The following SH2D1B variants were observed in gnomAD, a reference collection of about 807,000 sequenced individuals.
SH2D1B encodes SH2 domain containing 1B, also known as SH2 domain-containing protein 1B.
In SH2D1B, 11 loss-of-function variants were observed where a neutral mutation model predicts 16.3. The observed-to-expected ratio is 0.67, with a 90% CI of 0.42 to 1.11. The LOEUF (loss-of-function observed/expected upper bound fraction) is 1.11, where lower values mean the gene tolerates loss of function less well. SH2D1B is among the 50% of genes most tolerant of loss of function. The pLI, the probability that SH2D1B is intolerant of heterozygous loss-of-function variation, is 0.00. For missense variants in SH2D1B, 123 were observed against 153.1 expected (o/e 0.80, Z 1.04); for synonymous variants, 55 against 56.1 (o/e 0.98, Z 0.09).
At chr1:162,403,955 T>C (rs1347480690) in intron 1 of SH2D1B, among the ~76,000 whole-genome samples, 1 of 151,744 alleles carries the variant, frequency 6.6e-6, no homozygotes, top group African/African-American at 2.4e-5. Flanking sequence ...AGGGGGAGGA[T>C]TAGGGAGATA....
At position 162,403,502 on chromosome 1, in the gene SH2D1B, AAAAAAAAAAATATATATATATAT is replaced by A. The variant is rs1431939337; in HGVS notation, c.135-723_135-701del. ...AGACTCTGTCTGAAAAAAAAAAAAA[AAAAAAAAAAATATATATATATAT>A]ATATATATATATATATATGTAATTA... On this transcript the variant is annotated intron_variant, in intron 1 of 3. Transcript: ENST00000367929. Among the ~76,000 whole-genome samples the A allele has an allele frequency of 1.2e-3, 52 of 44,300 alleles. 1 individual carries two copies. Among genetic ancestry groups the A allele is most frequent in the African/African-American group, 2.7e-3 (38 of 14,032 alleles). 29.1% of individuals were successfully genotyped at this position (44,300 alleles called of 152,430 possible).
chr1:162,403,509 A>T (rs1197016379), intron 1 of SH2D1B, among the ~76,000 whole-genome samples: 6 of 17,154 alleles, frequency 3.5e-4, no homozygotes, highest in African/African-American at 6.4e-4. Flanking sequence ...AAAAAAAAAA[A>T]AAATATATAT....
rs1288044423 is a variant in SH2D1B at position 162,402,781 on chromosome 1, T to A, written c.156A>T (p.Thr52=). Residue 52 remains threonine, a synonymous_variant, in exon 2 of 4, where the codon ACA becomes ACT. Transcript: ENST00000367929. ...CGTGTTTCTCTCTGAAGATTCGGTA[T>A]GTGTAGACAATATTTTTAAACCTGT... ...LCVSFKNIVY[T]YRIFREKHGY... The A allele has an allele frequency of 3.7e-6, 6 of 1,613,926 alleles. No individual in the cohort carries two copies. The highest frequency in any genetic ancestry group is 5.1e-6 in the Non-Finnish European group (6 of 1,179,870).
rs1194552389 is a variant in SH2D1B at position 162,397,358 on chromosome 1, C to T, written c.364-43G>A. The stretch of plus-strand genomic sequence containing the variant: ...AAGCAGAAGACCAGCCATGAGACCA[C>T]ACCCAGAAGTCATATCAAACAACCC... On this transcript the variant is annotated intron_variant, in intron 3 of 3. Coordinates refer to ENST00000367929, the MANE Select transcript of SH2D1B (RefSeq NM_053282.5). The T allele has an allele frequency of 3.1e-6, 5 of 1,609,580 alleles. No individual in the cohort carries two copies. The East Asian group carries it at 6.7e-5, about 22-fold the overall frequency.
chr1:162,403,488 G>GAAAAAAAAAAAAAAAAAAAAAAAAA (rs1172751501), intron 1 of SH2D1B, among the ~76,000 whole-genome samples: 1 of 20,694 alleles, frequency 4.8e-5, no homozygotes, highest in Non-Finnish European at 1.0e-4. Context: ...GACTCTGTCT[G>GAAAAAAAAAAAAAAAAAAAAAAAAA]AAAAAAAAAA....
intron 2 of SH2D1B, among the ~76,000 whole-genome samples, chr1:162,401,381 T>C (rs1447224528): frequency 6.6e-6 from 1 of 152,234 alleles, no homozygotes. Context: ...TGAAATTATT[T>C]CAGACATAGC....
chr1:162,398,066 T>C (rs548702590), intron 3 of SH2D1B, among the ~76,000 whole-genome samples: 19 of 152,130 alleles, frequency 1.2e-4, no homozygotes, highest in Non-Finnish European at 2.2e-4. Flanking sequence ...TTAGCCTTGC[T>C]GGGGAAATGA....
At chr1:162,402,650 C>T (rs192765673) in intron 2 of SH2D1B, 89 bp downstream of exon 2, 14 of 1,099,700 alleles carry the variant, frequency 1.3e-5, no homozygotes, top group Admixed American at 7.6e-5. Context: ...AATGCTTTCG[C>T]ACAGTCATGG....
intron 1 of SH2D1B, among the ~76,000 whole-genome samples, chr1:162,409,456 A>G (rs1571276187): frequency 6.6e-6 from 1 of 152,190 alleles, no homozygotes; most frequent in East Asian, 1.9e-4. Context: ...TTTCCAAACT[A>G]CATTTTAGGA....
In SH2D1B at chr1:162,411,961, A is replaced by G; in HGVS notation, c.56T>C (p.Leu19Pro). The part of the protein sequence containing the change: ...RLTKQDCETL[L>P]LKEGVDGNFL... The stretch of plus-strand genomic sequence containing the variant: ...GTTGCCATCCACCCCTTCCTTGAGC[A>G]GCAAGGTCTCACAGTCTTGCTTGGT... The change falls in exon 1 of 4, where the codon CTG becomes CCG. Residue 19 changes from leucine (L) to proline (P), a missense_variant. Coordinates refer to ENST00000367929, the MANE Select transcript of SH2D1B (RefSeq NM_053282.5). 1 of 1,614,166 alleles carries G rather than the reference A, an allele frequency of 6.2e-7. No individual in the cohort carries two copies. The highest frequency in any genetic ancestry group is 1.3e-5 in the African/African-American group (1 of 75,044).
At position 162,399,038 on chromosome 1, in the gene SH2D1B, A is replaced by T. The variant is rs759017302; in HGVS notation, c.248T>A (p.Ile83Asn). 33 of 1,613,966 alleles carry T rather than the reference A, an allele frequency of 2.0e-5. No individual in the cohort carries two copies. Among genetic ancestry groups the T allele is most frequent in the Non-Finnish European group, 2.7e-5 (32 of 1,180,004 alleles). The change falls in exon 3 of 4, where the codon ATC becomes AAC. Residue 83 changes from isoleucine (I) to asparagine (N), a missense_variant. By Grantham distance (149) the Ile-to-Asn change is moderately radical. Coordinates refer to ENST00000367929, the MANE Select transcript of SH2D1B (RefSeq NM_053282.5). Reference sequence around the variant, plus strand: ...CTGATTTGGTTTTTCAAATTTGGAGATCAGTTCCTTTAGGCTTGGAAAGAC... The same window carrying T: ...CTGATTTGGTTTTTCAAATTTGGAGTTCAGTTCCTTTAGGCTTGGAAAGAC... ...KQVFPSLKEL[I>N]SKFEKPNQGM... is the part of the protein sequence containing the mutation.
intron 1 of SH2D1B, among the ~76,000 whole-genome samples, chr1:162,403,512 ATATATATATATATAT>A (rs1169490544): frequency 2.2e-4 from 4 of 17,800 alleles, no homozygotes; most frequent in African/African-American, 2.8e-4. Flanking sequence ...AAAAAAAAAA[ATATATATATATATAT>A]ATATATATAT....
chr1:162,403,941 T>C (rs990762323), intron 1 of SH2D1B, among the ~76,000 whole-genome samples: 10 of 151,926 alleles, frequency 6.6e-5, no homozygotes, highest in African/African-American at 2.2e-4. Flanking sequence ...GCCTTGTCAG[T>C]GAGAGGGGGA....
intron 1 of SH2D1B, among the ~76,000 whole-genome samples, chr1:162,408,979 G>A (rs1648723177): frequency 6.6e-6 from 1 of 151,680 alleles, no homozygotes; most frequent in African/African-American, 2.4e-5. Flanking sequence ...ATGGTAGTGC[G>A]CACCTGTAGT....
At position 162,399,018 on chromosome 1, in the gene SH2D1B, T is replaced by A. The variant is rs144737266; in HGVS notation, c.268A>T (p.Asn90Tyr). The change falls in exon 3 of 4, where the codon AAT (asparagine) becomes TAT (tyrosine). Residue 90 changes from asparagine (N) to tyrosine (Y), a missense_variant. Transcript: ENST00000367929. ...KELISKFEKP[N>Y]QGMVVHLLKP... is the part of the protein sequence containing the mutation. ...AAAAGGTGAACCACCATCCCCTGAT[T>A]TGGTTTTTCAAATTTGGAGATCAGT... The A allele has an allele frequency of 1.9e-6, 3 of 1,614,162 alleles. No homozygotes were observed. Among genetic ancestry groups the A allele is most frequent in the African/African-American group, 2.7e-5 (2 of 75,052 alleles).
intron 2 of SH2D1B, among the ~76,000 whole-genome samples, chr1:162,401,477 T>C (rs149996054): frequency 1.5e-3 from 229 of 152,330 alleles, no homozygotes; most frequent in African/African-American, 5.3e-3. Flanking sequence ...CTTTTTATTC[T>C]CTTTCCAAAT....
chr1:162,406,153 A>G (rs1210151245), intron 1 of SH2D1B, among the ~76,000 whole-genome samples: 1 of 152,158 alleles, frequency 6.6e-6, no homozygotes, highest in African/African-American at 2.4e-5. Flanking sequence ...TCTTGGTGCA[A>G]CCTTTTGTGG....
chr1:162,406,124 T>C (rs927878366), intron 1 of SH2D1B, among the ~76,000 whole-genome samples: 2 of 152,230 alleles, frequency 1.3e-5, no homozygotes, highest in Admixed American at 1.3e-4. Context: ...GCCTTATCAC[T>C]GTTCCTGATC....
Position 162,398,913 on chromosome 1 carries a change from G to A in SH2D1B, c.363+10C>T. The stretch of plus-strand genomic sequence containing the variant: ...AGATTGCTTTCTGACCCCCACGTGA[G>A]AGATTTTACCACAAATGTTTCCAAC... On this transcript the variant is annotated intron_variant, in intron 3 of 3. Transcript: ENST00000367929. 1 of 1,607,300 alleles carries A rather than the reference G, an allele frequency of 6.2e-7. No individual in the cohort carries two copies. Among genetic ancestry groups the A allele is most frequent in the Non-Finnish European group, 8.5e-7 (1 of 1,175,138 alleles).
Sources: gnomAD v4.1 joint callset for allele counts (sites outside exome capture counted in the v4.1 genomes callset) on GRCh38, gnomAD v4.1.1 for gene constraint, MANE v1.5 for transcripts, NCBI Gene and HGNC (gene_info 2026-07-23, HGNC 2026-07-21) for gene names.